The following SYNJ2 variants were observed in gnomAD, a reference collection of about 807,000 sequenced individuals.
The protein encoded by SYNJ2 is synaptojanin 2, also known as polyphosphatidylinositol phosphatase SYNJ2.
Under a neutral mutation model 141.3 loss-of-function variants are expected in SYNJ2, and 116 were observed. The ratio of observed to expected loss-of-function variants is 0.82; its 90% CI spans 0.71 to 0.96. SYNJ2 has a LOEUF of 0.96. Ranked by LOEUF, SYNJ2 falls within the 40% of genes least tolerant of loss-of-function variation. The pLI is 0.00. For synonymous variants in SYNJ2, 745 were observed against 777.7 expected, an observed-to-expected ratio of 0.96 and a Z score of 0.70; for missense variants, 1,873 against 1,934.8, an observed-to-expected ratio of 0.97 and a Z score of 0.60.
intron 3 of SYNJ2, among the ~76,000 whole-genome samples, chr6:158,032,465 G>T (rs1779417629): frequency 6.6e-6 from 1 of 152,236 alleles, no homozygotes; most frequent in Non-Finnish European, 1.5e-5. Flanking sequence ...GGGCCCTCAG[G>T]ATGGTACCAC....
intron 5 of SYNJ2, among the ~76,000 whole-genome samples, chr6:158,044,119 G>T (rs1780105589): frequency 6.6e-6 from 1 of 152,258 alleles, no homozygotes; most frequent in Non-Finnish European, 1.5e-5. Flanking sequence ...GGTGCCTTCA[G>T]AAAGCCTCTC....
intron 1 of SYNJ2, among the ~76,000 whole-genome samples, chr6:158,005,325 C>T (rs1261659137): frequency 6.6e-6 from 1 of 152,196 alleles, no homozygotes; most frequent in African/African-American, 2.4e-5. Flanking sequence ...GATCCACCCA[C>T]CTTGGCCTTC....
chr6:158,030,230 C>T (rs910734624), intron 3 of SYNJ2, among the ~76,000 whole-genome samples: 4 of 152,164 alleles, frequency 2.6e-5, no homozygotes, highest in African/African-American at 9.7e-5. Flanking sequence ...CCTAGAGATG[C>T]CAGGTAGAAG....
intron 1 of SYNJ2, among the ~76,000 whole-genome samples, chr6:158,016,304 G>C (rs955400885): frequency 6.6e-6 from 1 of 152,134 alleles, no homozygotes; most frequent in Admixed American, 6.5e-5. Context: ...AGTAGAGATA[G>C]GGTTCCGCCA....
At chr6:158,095,135 C>T (rs910469970) in intron 26 of SYNJ2, among the ~76,000 whole-genome samples, 6 of 147,824 alleles carry the variant, frequency 4.1e-5, no homozygotes, top group Non-Finnish European at 7.4e-5. Context: ...GGGGACAGGG[C>T]GAGACTCCTT....
chr6:158,011,163 T>G (rs1778256103), intron 1 of SYNJ2, among the ~76,000 whole-genome samples: 1 of 151,922 alleles, frequency 6.6e-6, no homozygotes, highest in African/African-American at 2.4e-5. Context: ...GGGAGAGAAT[T>G]GCCACGCGAC....
At position 158,095,801 on chromosome 6, in the gene SYNJ2, G is replaced by A. The variant is rs757472497; in HGVS notation, c.3928G>A (p.Glu1310Lys). ...AAGCCACAGGAAGCCAGCATCAGAC[G>A]AAGCCCCTCCTGGGGCAGGAGCCTC... Reference protein sequence around the residue: ...RPSHRKPASDEAPPGAGASVP... With the variant: ...RPSHRKPASDKAPPGAGASVP... The change falls in exon 27 of 27, where the codon GAA becomes AAA. Residue 1310 changes from glutamate (E) to lysine (K), a missense_variant. Transcript: ENST00000355585. The A allele has an allele frequency of 3.7e-6, 6 of 1,614,176 alleles. No individual in the cohort carries two copies. The highest frequency in any genetic ancestry group is 1.6e-4 in the Middle Eastern group (1 of 6,062).
intron 25 of SYNJ2, among the ~76,000 whole-genome samples, chr6:158,090,690 G>A (rs1248935382): frequency 5.3e-5 from 8 of 151,582 alleles, no homozygotes; most frequent in Non-Finnish European, 8.8e-5. Flanking sequence ...GACTACAGGC[G>A]CGCAGCCCCA....
At chr6:158,090,873 A>G (rs1024258328) in intron 25 of SYNJ2, among the ~76,000 whole-genome samples, 1 of 152,076 alleles carries the variant, frequency 6.6e-6, no homozygotes, top group Non-Finnish European at 1.5e-5. Flanking sequence ...GGTGTAAGCA[A>G]TCACCATTGC....
At chr6:158,077,500 A>G (rs1388467297) in intron 17 of SYNJ2, among the ~76,000 whole-genome samples, 1 of 152,164 alleles carries the variant, frequency 6.6e-6, no homozygotes. Flanking sequence ...ACCTGCTTAA[A>G]GCCCTAATTC....
chr6:158,023,290 CAAAA>C (rs1195966689), intron 2 of SYNJ2, among the ~76,000 whole-genome samples: 1 of 142,598 alleles, frequency 7.0e-6, no homozygotes. Flanking sequence ...AGCAAACAAA[CAAAA>C]AACCCATGGT....
At chr6:158,008,882 G>T (rs976368437) in intron 1 of SYNJ2, among the ~76,000 whole-genome samples, 1 of 152,196 alleles carries the variant, frequency 6.6e-6, no homozygotes, top group African/African-American at 2.4e-5. Flanking sequence ...CCCTGCAGTG[G>T]CATTCAGAGT....
chr6:158,004,790 C>G (rs1429726261), intron 1 of SYNJ2, among the ~76,000 whole-genome samples: 1 of 152,174 alleles, frequency 6.6e-6, no homozygotes, highest in Non-Finnish European at 1.5e-5. Flanking sequence ...GACTGCGTCC[C>G]TCACTGCCCC....
chr6:158,096,903 T>A lies in SYNJ2; in HGVS notation c.*539T>A, dbSNP rs1185176036. 6.5e-6 allele frequency: 1 copy of A among 154,962 alleles called. No individual in the cohort carries two copies. Among genetic ancestry groups the A allele is most frequent in the Non-Finnish European group, 1.4e-5 (1 of 69,852 alleles). The allele number at this position is 154,962 out of a possible 1,614,324, so 9.6% of individuals were successfully genotyped here. On this transcript the variant is annotated 3_prime_UTR_variant, in exon 27 of 27. Coordinates refer to ENST00000355585, the MANE Select transcript of SYNJ2 (RefSeq NM_003898.4). ...GAAGCAGCCAAATAGGTCAACCTAA[T>A]GACTAGACTGTACATTCCCATGAGC...
rs1007497632 is a variant in SYNJ2 at position 158,040,957 on chromosome 6, C to T, written c.712-2359C>T. Among the ~76,000 whole-genome samples the T allele has an allele frequency of 2.6e-5, 4 of 152,178 alleles. No individual in the cohort carries two copies. The East Asian group carries it at 5.8e-4, about 22-fold the overall frequency. ...CTTCTTGAATCCCTCCTTCTTCCCA[C>T]GACCCAAGCTCTCTCCGACGCCAGC... On this transcript the variant is annotated intron_variant, in intron 4 of 26. Coordinates refer to ENST00000355585, the MANE Select transcript of SYNJ2 (RefSeq NM_003898.4). This position sits in a 1 kb window ranked among gnomAD's most constrained non-coding sequence, Gnocchi z 4.2.
intron 5 of SYNJ2, among the ~76,000 whole-genome samples, chr6:158,048,320 C>T (rs1206356035): frequency 1.3e-5 from 2 of 152,150 alleles, no homozygotes; most frequent in Non-Finnish European, 2.9e-5. Flanking sequence ...GCAGCCCTTG[C>T]AGAGGGAACA....
At position 158,083,553 on chromosome 6, in the gene SYNJ2, T is replaced by C; in HGVS notation, c.2990T>C (p.Leu997Pro). 6.2e-7 allele frequency: 1 copy of C among 1,614,194 alleles called. No individual in the cohort carries two copies. The highest frequency in any genetic ancestry group is 1.3e-5 in the African/African-American group (1 of 75,048). The change falls in exon 21 of 27, where the codon CTG becomes CCG. Residue 997 changes from leucine to proline, a missense_variant. By Grantham distance (98) the Leu-to-Pro change is moderately conservative. Transcript: ENST00000355585. ...TCTCCCACTGCCAACTCCTGTTTGC[T>C]GGAGGAAAACTTTGACTTCACAAGT... The part of the protein sequence containing the change: ...PVSPTANSCL[L>P]EENFDFTSLD...
rs1461426587 is a variant in SYNJ2, at chr6:158,006,958, GC to G, written c.128-10244del. On this transcript the variant is annotated intron_variant, in intron 1 of 26. Transcript: ENST00000355585. Reference sequence around the variant, plus strand: ...CAAAGTGCTGGGATTACAGGCATGAGCCATGGCACCGATCTGTTTATTTTTG... The same window carrying G: ...CAAAGTGCTGGGATTACAGGCATGAGCATGGCACCGATCTGTTTATTTTTG... 2.0e-5 allele frequency among the ~76,000 whole-genome samples: 3 copies of G among 152,028 alleles called. No individual in the cohort carries two copies. In the South Asian group the frequency reaches 6.3e-4, roughly 32 times the overall value.
intron 6 of SYNJ2, among the ~76,000 whole-genome samples, chr6:158,058,532 G>A (rs1282099203): frequency 6.6e-6 from 1 of 152,194 alleles, no homozygotes; most frequent in Non-Finnish European, 1.5e-5. Flanking sequence ...ATTGAAAACA[G>A]GATGCTGAGT....
Sources: allele counts gnomAD v4.1 joint callset (sites outside exome capture counted in the v4.1 genomes callset), GRCh38; gene constraint gnomAD v4.1.1; non-coding constraint Gnocchi (gnomAD v3.1); transcripts MANE v1.5; gene names NCBI Gene and HGNC (gene_info 2026-07-23, HGNC 2026-07-21).